GCGR: variants seen among roughly 807,000 people sequenced by gnomAD.
GCGR encodes the protein glucagon receptor.
A neutral mutation model predicts 56.1 loss-of-function variants in GCGR; 41 were observed. The ratio of observed to expected loss-of-function variants is 0.73; its 90% CI spans 0.57 to 0.95. The LOEUF (loss-of-function observed/expected upper bound fraction) is 0.95, where lower values mean the gene tolerates loss of function less well. Ranked by LOEUF, GCGR falls within the 40% of genes least tolerant of loss-of-function variation. The pLI, the probability that GCGR is intolerant of heterozygous loss-of-function variation, is 0.00. For missense variants in GCGR, 595 were observed against 638.2 expected, an observed-to-expected ratio of 0.93 and a Z score of 0.73; for synonymous variants, 278 against 271.1, an observed-to-expected ratio of 1.03 and a Z score of -0.25.
At chr17:81,808,665 G>A (rs1322752109) in intron 1 of GCGR, among the ~76,000 whole-genome samples, 177 bp from the exon 2 acceptor site, 2 of 152,048 alleles carry the variant, frequency 1.3e-5, no homozygotes, top group African/African-American at 4.8e-5. Flanking sequence ...GACTACAGAC[G>A]CCCGCCACCA....
intron 1 of GCGR, among the ~76,000 whole-genome samples, chr17:81,805,697 T>A (rs1475611021): frequency 6.6e-6 from 1 of 151,478 alleles, no homozygotes; most frequent in Non-Finnish European, 1.5e-5. Context: ...ACCCCCCCTA[T>A]TGGGCACCTT....
intron 1 of GCGR, among the ~76,000 whole-genome samples, chr17:81,808,488 C>T (rs1387962728): frequency 6.6e-6 from 1 of 151,820 alleles, no homozygotes; most frequent in African/African-American, 2.4e-5. Context: ...AGTGACTCCT[C>T]CTGGGGTCTC....
chr17:81,812,599 G>A lies in GCGR; in HGVS notation c.971G>A (p.Arg324His), dbSNP rs1172127702. 2.5e-5 allele frequency: 39 copies of A among 1,536,342 alleles called. No homozygotes were observed. The East Asian group carries it at 3.4e-4, about 13-fold the overall frequency. Residue 324 changes from arginine (R) to histidine (H), a missense_variant, in exon 11 of 14, where the codon CGC becomes CAC. Arg to His is a conservative substitution (Grantham distance 29). Transcript: ENST00000400723. The surrounding 1 kb of genome is among the most constrained non-coding windows in gnomAD (Gnocchi z 8.5). Reference protein sequence around the residue: ...AILINFFIFVRIVQLLVAKLR... With the variant: ...AILINFFIFVHIVQLLVAKLR... ...CAGATCAACTTCTTCATCTTCGTCC[G>A]CATCGTTCAGCTGCTCGTGGCCAAG...
rs1031647018 is a variant in GCGR, at chr17:81,811,997, C to T, written c.878+51C>T. 63 of 1,532,882 alleles carry T rather than the reference C, an allele frequency of 4.1e-5. No individual in the cohort carries two copies. Among genetic ancestry groups the T allele is most frequent in the African/African-American group, 6.9e-5 (5 of 72,696 alleles). The allele number at this position is 1,532,882 out of a possible 1,614,324, so 95.0% of individuals were successfully genotyped here. ...GGGGAGGGACCGGGGGGCTGGGGTG[C>T]GGCGCTCTGGCCTGAGGCAGGGAGG... On this transcript the variant is annotated intron_variant, in intron 9 of 13. Coordinates refer to ENST00000400723, the MANE Select transcript of GCGR (RefSeq NM_000160.5). This position sits in a 1 kb window ranked among gnomAD's most constrained non-coding sequence, Gnocchi z 5.8.
chr17:81,804,870 T>A lies in GCGR; in HGVS notation c.-178+621T>A, dbSNP rs1400588059. Among the ~76,000 whole-genome samples the A allele has an allele frequency of 6.6e-6, 1 of 151,870 alleles. No homozygotes were observed. The highest frequency in any genetic ancestry group is 1.5e-5 in the Non-Finnish European group (1 of 67,898). On this transcript the variant is annotated intron_variant, in intron 1 of 13. Coordinates refer to ENST00000400723, the MANE Select transcript of GCGR (RefSeq NM_000160.5). This position sits in a 1 kb window ranked among gnomAD's most constrained non-coding sequence, Gnocchi z 8.2. ...ACCCGGCCGACTCGGCCACCGGGCT[T>A]ATGCTCCGACTCTGAACCGACTGAC...
At position 81,811,279 on chromosome 17, in the gene GCGR, C is replaced by G. The variant is rs1384946984; in HGVS notation, c.451C>G (p.Leu151Val). 3.9e-6 allele frequency: 6 copies of G among 1,536,182 alleles called. No homozygotes were observed. In the East Asian group the frequency reaches 1.5e-4, roughly 38 times the overall value. ...GGTGATGTACACAGTGGGCTACAGC[C>G]TGTCCCTGGGGGCCCTGCTCCTCGC... The part of the protein sequence containing the change: ...FQVMYTVGYS[L>V]SLGALLLALA... Residue 151 changes from leucine (L) to valine (V), a missense_variant, in exon 6 of 14, where the codon CTG (leucine) becomes GTG (valine). By Grantham distance (32) the Leu-to-Val change is conservative (BLOSUM62 1). Coordinates refer to ENST00000400723, the MANE Select transcript of GCGR (RefSeq NM_000160.5). This position sits in a 1 kb window ranked among gnomAD's most constrained non-coding sequence, Gnocchi z 5.8.
chr17:81,812,118 G>A lies in GCGR; in HGVS notation c.879-65G>A, dbSNP rs982870416. The A allele has an allele frequency of 2.2e-5, 33 of 1,526,088 alleles. No individual in the cohort carries two copies. Among genetic ancestry groups the A allele is most frequent in the Admixed American group, 7.9e-5 (4 of 50,846 alleles). The allele number at this position is 1,526,088 out of a possible 1,614,324, so 94.5% of individuals were successfully genotyped here. A position where few individuals can be genotyped will look rare whatever the true frequency, so the allele number is the denominator to read the frequency against. On this transcript the variant is annotated intron_variant, in intron 9 of 13. Transcript: ENST00000400723. This position sits in a 1 kb window ranked among gnomAD's most constrained non-coding sequence, Gnocchi z 8.5. ...AATTAGATCCTGGCAAAATCGGGAC[G>A]GGGGTGCTGAGGGGCGGAGGGGCTG... is the stretch of plus-strand genomic sequence containing the variant.
At position 81,804,920 on chromosome 17, in the gene GCGR, C is replaced by T. The variant is rs2037921019; in HGVS notation, c.-178+671C>T. On this transcript the variant is annotated intron_variant, in intron 1 of 13. Transcript: ENST00000400723. This position sits in a 1 kb window ranked among gnomAD's most constrained non-coding sequence, Gnocchi z 8.2. ...CCCCGGCCCCCTCGGCGCCCGCATC[C>T]TCCAAGGACCGGCCAGGGCTGCTCT... Among the ~76,000 whole-genome samples the T allele has an allele frequency of 6.6e-6, 1 of 152,236 alleles. No homozygotes were observed.
Position 81,813,918 on chromosome 17 carries a change from T to C in GCGR, c.*229T>C. On this transcript the variant is annotated 3_prime_UTR_variant, in exon 14 of 14. Coordinates refer to ENST00000400723, the MANE Select transcript of GCGR (RefSeq NM_000160.5). This position sits in a 1 kb window ranked among gnomAD's most constrained non-coding sequence, Gnocchi z 5.3. ...GAGTCCAGGGCGGGAGTGGGGGCTG[T>C]GCCGTGAACTGCGTGCCAGTGTCCC... The C allele has an allele frequency of 1.7e-6, 1 of 575,886 alleles. No homozygotes were observed. The highest frequency in any genetic ancestry group is 3.1e-6 in the Non-Finnish European group (1 of 322,662). The allele number at this position is 575,886 out of a possible 1,614,324, so 35.7% of individuals were successfully genotyped here. A position where few individuals can be genotyped will look rare whatever the true frequency, so the allele number is the denominator to read the frequency against.
In GCGR at chr17:81,812,509, G is replaced by C; in HGVS notation, c.949-68G>C. The C allele has an allele frequency of 6.9e-7, 1 of 1,440,206 alleles. No individual in the cohort carries two copies. The allele number at this position is 1,440,206 out of a possible 1,614,324, so 89.2% of individuals were successfully genotyped here. ...CCCACCTGCAGGAGGGTCAGGTGGG[G>C]CCTTCCAAGGGCACAGAGCTGTTCC... On this transcript the variant is annotated intron_variant, in intron 10 of 13. Coordinates refer to ENST00000400723, the MANE Select transcript of GCGR (RefSeq NM_000160.5). The surrounding 1 kb of genome is among the most constrained non-coding windows in gnomAD (Gnocchi z 8.5).
In GCGR at chr17:81,810,940, T is replaced by C. The variant is rs750389741; in HGVS notation, c.271+8T>C. 1.2e-4 allele frequency: 190 copies of C among 1,534,642 alleles called. No individual in the cohort carries two copies. Among genetic ancestry groups the C allele is most frequent in the Middle Eastern group, 1.7e-4 (1 of 6,012 alleles). On this transcript the variant is annotated splice_region_variant and intron_variant, in intron 4 of 13. Coordinates refer to ENST00000400723, the MANE Select transcript of GCGR (RefSeq NM_000160.5). This position sits in a 1 kb window ranked among gnomAD's most constrained non-coding sequence, Gnocchi z 4.6. Reference sequence around the variant, plus strand: ...TGCCTTGGCACCACAAAGGTACCCATAGAGGGGAGGAACTGTGGGGGGGGC... The same window carrying C: ...TGCCTTGGCACCACAAAGGTACCCACAGAGGGGAGGAACTGTGGGGGGGGC...
chr17:81,811,931 T>C lies in GCGR; in HGVS notation c.863T>C (p.Leu288Pro). The C allele has an allele frequency of 6.5e-7, 1 of 1,536,950 alleles. No individual in the cohort carries two copies. Among genetic ancestry groups the C allele is most frequent in the South Asian group, 1.2e-5 (1 of 84,054 alleles). Residue 288 changes from leucine to proline, a missense_variant, in exon 9 of 14, where the codon CTG becomes CCG. Leu to Pro is a moderately conservative substitution (Grantham distance 98). Coordinates refer to ENST00000400723, the MANE Select transcript of GCGR (RefSeq NM_000160.5). The surrounding 1 kb of genome is among the most constrained non-coding windows in gnomAD (Gnocchi z 5.8). ...FVVPWAVVKC[L>P]FENVQCWTSN... is the part of the protein sequence containing the mutation. ...GTCCCCTGGGCAGTGGTCAAGTGTC[T>C]GTTCGAGAACGTCCAGTGAGTATGA...
chr17:81,810,329 T>C lies in GCGR; in HGVS notation c.163+445T>C, dbSNP rs2038066817. ...GAGGACTCACCCGGGAGGCAGTGCC[T>C]GGGTTCGGATGAGGGAGGCAGCCAC... On this transcript the variant is annotated intron_variant, in intron 3 of 13. Transcript: ENST00000400723. The surrounding 1 kb of genome is among the most constrained non-coding windows in gnomAD (Gnocchi z 4.6). The C allele has an allele frequency of 1.6e-5, 5 of 321,192 alleles. No homozygotes were observed. Among genetic ancestry groups the C allele is most frequent in the Non-Finnish European group, 3.0e-5 (5 of 165,932 alleles). The allele number at this position is 321,192 out of a possible 1,614,324, so 19.9% of individuals were successfully genotyped here.
chr17:81,809,552 T>TGTCTGCCTGTCC (rs1450319599), intron 2 of GCGR, among the ~76,000 whole-genome samples: 2 of 149,788 alleles, frequency 1.3e-5, no homozygotes, highest in Admixed American at 6.7e-5. Flanking sequence ...TCTGCCTGTC[T>TGTCTGCCTGTCC]GTCTGCCTGT....
rs186883822 is a variant in GCGR, at chr17:81,810,726, C to G, written c.164-99C>G. The G allele has an allele frequency of 4.2e-6, 5 of 1,177,564 alleles. No homozygotes were observed. Among genetic ancestry groups the G allele is most frequent in the East Asian group, 5.1e-5 (2 of 39,020 alleles). The allele number at this position is 1,177,564 out of a possible 1,614,324, so 72.9% of individuals were successfully genotyped here. A position where few individuals can be genotyped will look rare whatever the true frequency, so the allele number is the denominator to read the frequency against. ...GCCATGTCCTGGGCGAGGTGACGGC[C>G]GAGCTCAGGCTTCCAGAGAGAGGAG... On this transcript the variant is annotated intron_variant, in intron 3 of 13. Coordinates refer to ENST00000400723, the MANE Select transcript of GCGR (RefSeq NM_000160.5). This position sits in a 1 kb window ranked among gnomAD's most constrained non-coding sequence, Gnocchi z 4.6.
rs2038057102 is a variant in GCGR, at chr17:81,809,793, C to T, written c.72C>T (p.Pro24=). The change falls in exon 3 of 14, where the codon CCC becomes CCT. Residue 24 remains proline (P), a synonymous_variant. Transcript: ENST00000400723. The part of the protein sequence containing the change: ...LLLLACQPQV[P]SAQVMDFLFE... Reference sequence around the variant, plus strand: ...CATGTGTCCCCCAGCCACAGGTCCCCTCCGCTCAGGTGATGGACTTCCTGT... The same window carrying T: ...CATGTGTCCCCCAGCCACAGGTCCCTTCCGCTCAGGTGATGGACTTCCTGT... 3 of 1,536,464 alleles carry T rather than the reference C, an allele frequency of 2.0e-6. No individual in the cohort carries two copies. Among genetic ancestry groups the T allele is most frequent in the Non-Finnish European group, 2.6e-6 (3 of 1,146,744 alleles).
chr17:81,811,592 G>T lies in GCGR; in HGVS notation c.657+32G>T, dbSNP rs903917665. The T allele has an allele frequency of 1.3e-6, 2 of 1,536,012 alleles. No individual in the cohort carries two copies. The highest frequency in any genetic ancestry group is 2.7e-5 in the African/African-American group (2 of 73,054). The stretch of plus-strand genomic sequence containing the variant: ...CCCCCTCGGCGGCCCCAGGCAGGTG[G>T]GTGGGTGGGCAGCCAGGCAGGTGGC... On this transcript the variant is annotated intron_variant, in intron 7 of 13. Transcript: ENST00000400723. This position sits in a 1 kb window ranked among gnomAD's most constrained non-coding sequence, Gnocchi z 5.8.
At chr17:81,805,489 G>A (rs1485123729) in intron 1 of GCGR, among the ~76,000 whole-genome samples, 1 of 152,034 alleles carries the variant, frequency 6.6e-6, no homozygotes, top group South Asian at 2.1e-4. Flanking sequence ...AGGGCACCTC[G>A]GGAGCCCCCC....
chr17:81,810,686 G>A lies in GCGR; in HGVS notation c.164-139G>A, dbSNP rs1056979444. 2.6e-6 allele frequency: 2 copies of A among 758,338 alleles called. No individual in the cohort carries two copies. Among genetic ancestry groups the A allele is most frequent in the African/African-American group, 1.7e-5 (1 of 57,902 alleles). 47.0% of individuals were successfully genotyped at this position (758,338 alleles called of 1,614,324 possible). ...TGGGGGAGGTGGAGGTCAAGTGGGGGAGGGAGCAGCCCAGGCCATGTCCTG... is the reference window on the plus strand; with the variant it reads ...TGGGGGAGGTGGAGGTCAAGTGGGGAAGGGAGCAGCCCAGGCCATGTCCTG... On this transcript the variant is annotated intron_variant, in intron 3 of 13. Coordinates refer to ENST00000400723, the MANE Select transcript of GCGR (RefSeq NM_000160.5). The surrounding 1 kb of genome is among the most constrained non-coding windows in gnomAD (Gnocchi z 4.6).
Sources: allele counts gnomAD v4.1 joint callset (sites outside exome capture counted in the v4.1 genomes callset), GRCh38; gene constraint gnomAD v4.1.1; non-coding constraint Gnocchi (gnomAD v3.1); transcripts MANE v1.5; gene names NCBI Gene and HGNC (gene_info 2026-07-23, HGNC 2026-07-21).